Variants in DIS3L2 observed in about 807,000 individuals in gnomAD.
DIS3L2 encodes the protein DIS3 like 3'-5' exoribonuclease 2.
In DIS3L2, 34 loss-of-function variants were observed where a neutral mutation model predicts 97.5. The observed-to-expected ratio is 0.35, with a 90% CI of 0.27 to 0.46. The LOEUF is 0.46. Among genes scored for constraint, DIS3L2 ranks in the 20% least tolerant of loss-of-function variants. The pLI is 1.00. For missense variants in DIS3L2, 1,038 were observed against 1,146.0 expected, an observed-to-expected ratio of 0.91 and a Z score of 1.36; for synonymous variants, 435 against 445.2, an observed-to-expected ratio of 0.98 and a Z score of 0.29.
At chr2:232,015,024 A>C in intron 2 of DIS3L2, 45 bp downstream of exon 2, 2 of 1,604,926 alleles carry the variant, frequency 1.2e-6, no homozygotes, top group Non-Finnish European at 1.7e-6. Context: ...TGGAGAACTG[A>C]AATGAAAGTG....
chr2:232,089,047 G>T (rs928169034), intron 6 of DIS3L2, among the ~76,000 whole-genome samples: 14 of 152,194 alleles, frequency 9.2e-5, no homozygotes, highest in African/African-American at 3.4e-4. Context: ...CTCGTTTAGG[G>T]ACTGGTGAGC....
Position 232,334,438 on chromosome 2 carries a change from G to T in DIS3L2, c.2228G>T (p.Arg743Leu), listed in dbSNP as rs947355512. The T allele has an allele frequency of 1.5e-5, 24 of 1,613,730 alleles. No homozygotes were observed. In the Admixed American group the frequency reaches 3.7e-4, roughly 25 times the overall value. Residue 743 changes from arginine (R) to leucine (L), a missense_variant, in exon 18 of 21, where the codon CGC (arginine) becomes CTC (leucine). Physicochemically the swap from Arg to Leu is moderately radical, Grantham distance 102 (BLOSUM62 -2). Transcript: ENST00000325385. The part of the protein sequence containing the change: ...QKQADHCNDR[R>L]MASKRVQELS... ...CAGGCGGACCACTGTAACGACCGCC[G>T]CATGGCGTCCAAGCGCGTGCAGGAG...
At chr2:232,228,432 G>A (rs959098222) in intron 10 of DIS3L2, among the ~76,000 whole-genome samples, 3 of 152,264 alleles carry the variant, frequency 2.0e-5, no homozygotes, top group East Asian at 1.9e-4. Context: ...CGTATGTGCC[G>A]AAGCCCATAA....
At chr2:232,026,528 A>G (rs942474278) in intron 4 of DIS3L2, among the ~76,000 whole-genome samples, 6 of 151,702 alleles carry the variant, frequency 4.0e-5, no homozygotes, top group Admixed American at 2.0e-4. Flanking sequence ...CATTGAGTGG[A>G]GGCACCCCCA....
intron 10 of DIS3L2, among the ~76,000 whole-genome samples, chr2:232,228,763 C>G (rs1692713608): frequency 6.6e-6 from 1 of 152,068 alleles, no homozygotes; most frequent in Non-Finnish European, 1.5e-5. Context: ...TTCTAAAAAT[C>G]CAAGACTCTT....
chr2:232,218,003 A>T (rs1248793956), intron 10 of DIS3L2, among the ~76,000 whole-genome samples: 1 of 152,146 alleles, frequency 6.6e-6, no homozygotes, highest in African/African-American at 2.4e-5. Context: ...CTCTTCCAGG[A>T]TATAGGGCAG....
chr2:232,296,922 CAT>C (rs1386301593), intron 13 of DIS3L2, among the ~76,000 whole-genome samples: 2 of 152,186 alleles, frequency 1.3e-5, no homozygotes, highest in African/African-American at 2.4e-5. Flanking sequence ...TTGGTGTGAA[CAT>C]AGTTTCCTGA....
At chr2:232,162,573 A>G (rs1489971558) in intron 8 of DIS3L2, among the ~76,000 whole-genome samples, 1 of 152,238 alleles carries the variant, frequency 6.6e-6, no homozygotes, top group Non-Finnish European at 1.5e-5. Context: ...TCCTGATGCC[A>G]TAGCTAAATT....
intron 13 of DIS3L2, among the ~76,000 whole-genome samples, chr2:232,270,893 TCTCTCTCTCTCTC>T (rs1308655631): frequency 1.3e-4 from 20 of 148,820 alleles, no homozygotes; most frequent in African/African-American, 4.5e-4. Context: ...TCTCTCTCTC[TCTCTCTCTCTCTC>T]TCTCTCTCTG....
At chr2:232,103,895 A>T (rs984436869) in intron 6 of DIS3L2, among the ~76,000 whole-genome samples, 1 of 152,206 alleles carries the variant, frequency 6.6e-6, no homozygotes, top group Admixed American at 6.5e-5. Context: ...AAAATAATAC[A>T]TTTTGAGCAC....
At chr2:232,284,242 AGGCTCTCTCGACTTATG>A (rs1204105945) in intron 13 of DIS3L2, among the ~76,000 whole-genome samples, 1 of 152,158 alleles carries the variant, frequency 6.6e-6, no homozygotes, top group East Asian at 1.9e-4. Flanking sequence ...ATGTGAGCTT[AGGCTCTCTCGACTTATG>A]GGAAAGCACT....
intron 9 of DIS3L2, among the ~76,000 whole-genome samples, chr2:232,205,125 A>G (rs1347782391): frequency 1.3e-5 from 2 of 151,712 alleles, no homozygotes; most frequent in African/African-American, 4.8e-5. Context: ...CCCTCAACAC[A>G]TGATTCTGGA....
At chr2:232,041,225 A>G (rs1308032577) in intron 5 of DIS3L2, among the ~76,000 whole-genome samples, 1 of 152,194 alleles carries the variant, frequency 6.6e-6, no homozygotes, top group African/African-American at 2.4e-5. Flanking sequence ...AAGTCACATC[A>G]GAGTTGCAGC....
In DIS3L2 at chr2:232,238,614, A is replaced by C; in HGVS notation, c.1286A>C (p.Glu429Ala). The part of the protein sequence containing the change: ...EGSDLDKVAA[E>A]RATSVYLVQK... ...TCTGATCTGGATAAAGTGGCTGCCG[A>C]GAGGGCTACAAGCGTCTACTTGGTT... The change falls in exon 11 of 21, where the codon GAG (glutamate) becomes GCG (alanine). Residue 429 changes from glutamate to alanine, a missense_variant. Physicochemically the swap from Glu to Ala is moderately radical, Grantham distance 107. This residue lies in a region of DIS3L2 where 813 missense variants were observed against 880.1 expected (regional missense o/e 0.92). Transcript: ENST00000325385. 1 of 1,614,198 alleles carries C rather than the reference A, an allele frequency of 6.2e-7. No homozygotes were observed. Among genetic ancestry groups the C allele is most frequent in the Non-Finnish European group, 8.5e-7 (1 of 1,180,024 alleles).
At chr2:232,117,925 A>G (rs1454245934) in intron 6 of DIS3L2, among the ~76,000 whole-genome samples, 2 of 152,242 alleles carry the variant, frequency 1.3e-5, no homozygotes, top group Admixed American at 1.3e-4. Flanking sequence ...CAGTTTCTGT[A>G]GGTCAGGAAT....
At chr2:232,076,745 A>G (rs1479565478) in intron 5 of DIS3L2, among the ~76,000 whole-genome samples, 2 of 152,092 alleles carry the variant, frequency 1.3e-5, no homozygotes, top group Non-Finnish European at 2.9e-5. Flanking sequence ...TGAATTTATC[A>G]TTATTTTTCT....
chr2:232,255,049 A>G (rs1693521927), intron 12 of DIS3L2, among the ~76,000 whole-genome samples: 3 of 152,238 alleles, frequency 2.0e-5, no homozygotes, highest in South Asian at 4.1e-4. Context: ...ATGAGAGGTC[A>G]GATTCCAGAC....
At chr2:232,019,466 T>G (rs774630889) in intron 3 of DIS3L2, among the ~76,000 whole-genome samples, 5 of 151,906 alleles carry the variant, frequency 3.3e-5, no homozygotes, top group Non-Finnish European at 7.4e-5. Context: ...GAGGATCGCT[T>G]GAGTCCTGGA....
intron 5 of DIS3L2, among the ~76,000 whole-genome samples, chr2:232,041,631 T>C (rs534618688): frequency 1.3e-5 from 2 of 152,292 alleles, no homozygotes; most frequent in South Asian, 4.1e-4. Context: ...GGTATTTTAG[T>C]TGATGCAGCC....
Sources: allele counts gnomAD v4.1 joint callset (sites outside exome capture counted in the v4.1 genomes callset), GRCh38; gene constraint gnomAD v4.1.1; regional missense constraint gnomAD v4.1.1; transcripts MANE v1.5; gene names NCBI Gene and HGNC (gene_info 2026-07-23, HGNC 2026-07-21).